The following ASTN2 variants were observed in gnomAD, a reference collection of about 807,000 sequenced individuals.
ASTN2 encodes the protein astrotactin 2, also known as astrotactin-2.
Under a neutral mutation model 139.8 loss-of-function variants are expected in ASTN2, and 54 were observed. The ratio of observed to expected loss-of-function variants is 0.39; its 90% CI spans 0.31 to 0.48. The LOEUF (loss-of-function observed/expected upper bound fraction) is 0.48. ASTN2 is among the 20% of genes least tolerant of loss of function. The probability of loss-of-function intolerance (pLI) is 0.95; values close to 1 mark genes in which losing one functional copy is unlikely to be tolerated. For synonymous variants in ASTN2, 756 were observed against 719.5 expected (o/e 1.05, Z -0.81); for missense variants, 1,565 against 1,725.1 (o/e 0.91, Z 1.64).
At chr9:116,618,520 T>A (rs752132611) in intron 18 of ASTN2, 48 bp from the exon 19 acceptor site, 3 of 1,567,824 alleles carry the variant, frequency 1.9e-6, no homozygotes, top group Non-Finnish European at 2.6e-6. Context: ...CAGCACCAGC[T>A]GGGGCCCAAA....
intron 2 of ASTN2, among the ~76,000 whole-genome samples, chr9:117,224,505 G>A (rs774716844): frequency 3.9e-5 from 6 of 152,156 alleles, no homozygotes; most frequent in East Asian, 1.9e-4. Flanking sequence ...GGCTCCAAGC[G>A]GTGATTGTGA....
At chr9:117,383,005 CAG>C (rs1229743719) in intron 1 of ASTN2, among the ~76,000 whole-genome samples, 1 of 152,074 alleles carries the variant, frequency 6.6e-6, no homozygotes, top group Non-Finnish European at 1.5e-5. Context: ...CTTTGGGGAC[CAG>C]AGAGTCTCTG....
chr9:116,913,328 G>A (rs1271532757), intron 10 of ASTN2, among the ~76,000 whole-genome samples: 1 of 152,176 alleles, frequency 6.6e-6, no homozygotes, highest in African/African-American at 2.4e-5. Context: ...TATCCATGGA[G>A]GCTGCTTTTT....
At chr9:116,458,702 A>C (rs1319643988) in intron 20 of ASTN2, among the ~76,000 whole-genome samples, 3 of 151,968 alleles carry the variant, frequency 2.0e-5, no homozygotes, top group Non-Finnish European at 4.4e-5. Flanking sequence ...AAATTTAACA[A>C]AAGAAGCATA....
Position 117,071,899 on chromosome 9 carries a change from CG to C in ASTN2, c.1276+24144del, listed in dbSNP as rs780969058. Among the ~76,000 whole-genome samples the C allele has an allele frequency of 9.3e-4, 141 of 152,144 alleles. 2 individuals are homozygous for C. In the Middle Eastern group the frequency reaches 0.037, roughly 40 times the overall value. ...CACCGTGCGCGCACCCACTGGCCTGCGCCCACTGTCTGGCACTCCCTAGTGA... is the reference window on the plus strand; with the variant it reads ...CACCGTGCGCGCACCCACTGGCCTGCCCCACTGTCTGGCACTCCCTAGTGA... On this transcript the variant is annotated intron_variant, in intron 5 of 22. Transcript: ENST00000313400.
At chr9:116,636,185 C>A (rs754511592) in intron 17 of ASTN2, among the ~76,000 whole-genome samples, 5 of 152,138 alleles carry the variant, frequency 3.3e-5, no homozygotes, top group Admixed American at 6.5e-5. Flanking sequence ...GCGTCAGTCT[C>A]CTTTAGCCAC....
intron 15 of ASTN2, 46 bp downstream of exon 15, chr9:116,728,946 G>T (rs1321477269): frequency 1.3e-6 from 2 of 1,498,612 alleles, no homozygotes; most frequent in East Asian, 2.4e-5. Flanking sequence ...GGCAACAAGT[G>T]CTAAATTATT....
chr9:116,548,769 C>T (rs758265113), intron 19 of ASTN2, among the ~76,000 whole-genome samples: 5 of 152,072 alleles, frequency 3.3e-5, no homozygotes, highest in African/African-American at 4.8e-5. Flanking sequence ...CCACTGTGCC[C>T]GGCCTGGGGA....
chr9:116,443,527 T>C (rs567309111), intron 20 of ASTN2, among the ~76,000 whole-genome samples: 2 of 152,110 alleles, frequency 1.3e-5, no homozygotes, highest in Non-Finnish European at 2.9e-5. Context: ...GTAGACCTGG[T>C]AGATTCAAGT....
chr9:117,145,882 C>A (rs1830182728), intron 3 of ASTN2, among the ~76,000 whole-genome samples: 1 of 151,996 alleles, frequency 6.6e-6, no homozygotes, highest in Non-Finnish European at 1.5e-5. Context: ...TTCCATTTTG[C>A]AATTTCTGTC....
chr9:117,322,083 A>G (rs1252337225), intron 1 of ASTN2, among the ~76,000 whole-genome samples: 1 of 134,890 alleles, frequency 7.4e-6, no homozygotes, highest in African/African-American at 2.7e-5. Context: ...CTCCCTCCCC[A>G]TCTTATCCCC....
At chr9:116,442,629 G>C (rs1847873243) in intron 20 of ASTN2, 76 bp from the exon 21 acceptor site, 1 of 1,149,882 alleles carries the variant, frequency 8.7e-7, no homozygotes, top group Admixed American at 1.7e-5. Flanking sequence ...GAAGAACAGA[G>C]AGTCATGGCA....
At chr9:117,236,307 T>A (rs961739314) in intron 2 of ASTN2, among the ~76,000 whole-genome samples, 1 of 152,188 alleles carries the variant, frequency 6.6e-6, no homozygotes, top group Non-Finnish European at 1.5e-5. Flanking sequence ...GCCACAGTCC[T>A]GGAACAGTAC....
intron 4 of ASTN2, among the ~76,000 whole-genome samples, chr9:117,131,527 T>C (rs1358652821): frequency 1.3e-5 from 2 of 152,216 alleles, no homozygotes; most frequent in African/African-American, 2.4e-5. Context: ...CTTCCCTTTC[T>C]AGGTCTTTCT....
rs1295782297 is a variant in ASTN2 at position 117,147,467 on chromosome 9, C to A, written c.1016-5989G>T. 4.3e-5 allele frequency among the ~76,000 whole-genome samples: 5 copies of A among 117,378 alleles called. No homozygotes were observed. The East Asian group carries it at 1.5e-3, about 35-fold the overall frequency. 77.0% of individuals were successfully genotyped at this position (117,378 alleles called of 152,430 possible). ...CACACACACACACACACACACACCC[C>A]CGTTATCCACCGTTCTCTTCCCCCA... On this transcript the variant is annotated intron_variant, in intron 3 of 22. Coordinates refer to ENST00000313400, the MANE Select transcript of ASTN2 (RefSeq NM_001365068.1).
chr9:117,267,616 C>A (rs1458838053), intron 2 of ASTN2, among the ~76,000 whole-genome samples: 2 of 152,168 alleles, frequency 1.3e-5, no homozygotes, highest in African/African-American at 4.8e-5. Context: ...AGTAAAAAAT[C>A]TTAAAAAATG....
intron 19 of ASTN2, among the ~76,000 whole-genome samples, chr9:116,528,943 G>A (rs1272354131): frequency 6.6e-6 from 1 of 152,206 alleles, no homozygotes; most frequent in African/African-American, 2.4e-5. Flanking sequence ...ATGCCTGAAT[G>A]TCTAGGCAGA....
chr9:117,023,229 G>A (rs1362143821), intron 6 of ASTN2, among the ~76,000 whole-genome samples: 2 of 152,108 alleles, frequency 1.3e-5, no homozygotes, highest in African/African-American at 4.8e-5. Context: ...CTTGTCCACA[G>A]AAAGGAAAGA....
At chr9:116,917,058 C>T (rs1834469292) in intron 10 of ASTN2, among the ~76,000 whole-genome samples, 1 of 151,892 alleles carries the variant, frequency 6.6e-6, no homozygotes, top group Non-Finnish European at 1.5e-5. Flanking sequence ...CTGTGGATTG[C>T]AAAGACCCCA....
Sources: gnomAD v4.1 joint callset for allele counts (sites outside exome capture counted in the v4.1 genomes callset) on GRCh38, gnomAD v4.1.1 for gene constraint, MANE v1.5 for transcripts, NCBI Gene and HGNC (gene_info 2026-07-23, HGNC 2026-07-21) for gene names.